GNL2: variants seen among roughly 807,000 people sequenced by gnomAD.
GNL2 encodes nucleolar GTP-binding protein 2.
GNL2 carries 51 observed loss-of-function variants against 92.3 expected under a neutral mutation model. That is an observed-to-expected ratio of 0.55 (90% confidence interval 0.44 to 0.70). GNL2 has a LOEUF of 0.70. Ranked by LOEUF, GNL2 falls within the 30% of genes least tolerant of loss-of-function variation. The probability of loss-of-function intolerance (pLI) is 0.00; values close to 1 mark genes in which losing one functional copy is unlikely to be tolerated. For missense variants in GNL2, 844 were observed against 895.6 expected, an observed-to-expected ratio of 0.94 and a Z score of 0.74; for synonymous variants, 283 against 300.6, an observed-to-expected ratio of 0.94 and a Z score of 0.61.
chr1:37,580,646 T>G (rs1643752096), intron 8 of GNL2, among the ~76,000 whole-genome samples: 1 of 152,202 alleles, frequency 6.6e-6, no homozygotes, highest in African/African-American at 2.4e-5. Context: ...AAGACGACGC[T>G]GCAGCAGCCT....
At chr1:37,577,688 T>A (rs1233233870) in intron 8 of GNL2, among the ~76,000 whole-genome samples, 2 of 152,146 alleles carry the variant, frequency 1.3e-5, no homozygotes, top group Non-Finnish European at 2.9e-5. Flanking sequence ...CAGAGATTCA[T>A]TGGGAATCAC....
At position 37,568,267 on chromosome 1, in the gene GNL2, A is replaced by C. The variant is rs919465646; in HGVS notation, c.1951+8T>G. On this transcript the variant is annotated splice_region_variant and intron_variant, in intron 14 of 15. Transcript: ENST00000373062. Reference sequence around the variant, plus strand: ...TACATCTAAATGATTGAAATAATTTAACTTCACCTCTGTCATCTACATCTT... The same window carrying C: ...TACATCTAAATGATTGAAATAATTTCACTTCACCTCTGTCATCTACATCTT... The C allele has an allele frequency of 6.5e-7, 1 of 1,546,758 alleles. No individual in the cohort carries two copies. Among genetic ancestry groups the C allele is most frequent in the African/African-American group, 1.4e-5 (1 of 73,784 alleles).
chr1:37,587,850 A>G (rs1643866130), intron 4 of GNL2, among the ~76,000 whole-genome samples: 1 of 152,254 alleles, frequency 6.6e-6, no homozygotes, highest in East Asian at 1.9e-4. Context: ...GTGAAAATTA[A>G]TCTTTTCCAC....
intron 8 of GNL2, among the ~76,000 whole-genome samples, chr1:37,580,283 A>AG (rs1643746360): frequency 6.6e-6 from 1 of 152,196 alleles, no homozygotes; most frequent in Non-Finnish European, 1.5e-5. Context: ...TGGGTGACAA[A>AG]GCAAGACCCT....
chr1:37,567,465 CGTT>C (rs1643523657), intron 15 of GNL2, among the ~76,000 whole-genome samples: 1 of 151,794 alleles, frequency 6.6e-6, no homozygotes, highest in African/African-American at 2.4e-5. Context: ...CGTGTGGAGA[CGTT>C]GATTAGAAAC....
chr1:37,589,836 C>T (rs1385788313), intron 4 of GNL2, among the ~76,000 whole-genome samples: 2 of 152,156 alleles, frequency 1.3e-5, no homozygotes, highest in African/African-American at 4.8e-5. Flanking sequence ...TGACCAGCAC[C>T]CCTTCCTTCA....
At chr1:37,567,976 A>T in intron 14 of GNL2, 1 of 595,082 alleles carries the variant, frequency 1.7e-6, no homozygotes. Context: ...GGTCAAATGG[A>T]GGAATGGATA....
rs536972891 is a variant in GNL2 at position 37,575,523 on chromosome 1, G to A, written c.1143+72C>T. On this transcript the variant is annotated intron_variant, in intron 10 of 15. Transcript: ENST00000373062. The surrounding 1 kb of genome is among the most constrained non-coding windows in gnomAD (Gnocchi z 4.1). ...AACTGCCTTCTTAATAAGTAAAAAG[G>A]AAAGGTATCCAGGGTTCCCTATAGA... The A allele has an allele frequency of 3.6e-6, 3 of 836,236 alleles. No homozygotes were observed. The East Asian group carries it at 8.5e-5, about 24-fold the overall frequency. 51.8% of individuals were successfully genotyped at this position (836,236 alleles called of 1,614,324 possible). A position where few individuals can be genotyped will look rare whatever the true frequency, so the allele number is the denominator to read the frequency against.
At chr1:37,589,121 C>CA (rs1308485367) in intron 4 of GNL2, among the ~76,000 whole-genome samples, 2 of 152,198 alleles carry the variant, frequency 1.3e-5, no homozygotes, top group African/African-American at 4.8e-5. Context: ...GGGAAATGAG[C>CA]AACTTGTCTG....
At position 37,574,683 on chromosome 1, in the gene GNL2, C is replaced by T; in HGVS notation, c.1284G>A (p.Arg428=). 1 of 1,613,896 alleles carries T rather than the reference C, an allele frequency of 6.2e-7. No individual in the cohort carries two copies. Among genetic ancestry groups the T allele is most frequent in the Non-Finnish European group, 8.5e-7 (1 of 1,179,964 alleles). ...AEDFLEKLAF[R]TGKLLKGGEP... is the part of the protein sequence containing the mutation. ...GGGTCACCTTTAGTAACTTCCCAGT[C>T]CGGAAAGCGAGCTTCTCAAGAAAGT... The change falls in exon 11 of 16, where the codon CGG becomes CGA. Residue 428 remains arginine, a synonymous_variant. Transcript: ENST00000373062.
rs570254120 is a variant in GNL2 at position 37,568,933 on chromosome 1, C to T, written c.1786G>A (p.Val596Ile). 7.4e-6 allele frequency: 12 copies of T among 1,614,006 alleles called. No individual in the cohort carries two copies. The highest frequency in any genetic ancestry group is 2.2e-5 in the East Asian group (1 of 44,898). ...ATCTTCTCATCCAGTGCTTTAATAA[C>T]GGCTTTGGTGTCGTTTCCCACATTT... Reference protein sequence around the residue: ...EENVGNDTKAVIKALDEKIAK... With the variant: ...EENVGNDTKAIIKALDEKIAK... Residue 596 changes from valine to isoleucine, a missense_variant, in exon 13 of 16, where the codon GTT (valine) becomes ATT (isoleucine). Transcript: ENST00000373062.
intron 12 of GNL2, 95 bp from the exon 13 acceptor site, chr1:37,569,397 C>T (rs1374718291): frequency 1.3e-6 from 1 of 791,858 alleles, no homozygotes; most frequent in African/African-American, 1.7e-5. Context: ...GTCCTCTTCT[C>T]AGGACTAAGG....
chr1:37,587,228 C>T lies in GNL2; in HGVS notation c.569+83G>A. On this transcript the variant is annotated intron_variant, in intron 5 of 15. Coordinates refer to ENST00000373062, the MANE Select transcript of GNL2 (RefSeq NM_013285.3). The stretch of plus-strand genomic sequence containing the variant: ...GTTGCAGTGGGCCAAGATCGCACCA[C>T]TGCATTCCAGCCTGGGCGACAAAGC... 13 of 1,064,224 alleles carry T rather than the reference C, an allele frequency of 1.2e-5. No individual in the cohort carries two copies. The South Asian group carries it at 2.0e-4, about 17-fold the overall frequency. 65.9% of individuals were successfully genotyped at this position (1,064,224 alleles called of 1,614,324 possible). A position where few individuals can be genotyped will look rare whatever the true frequency, so the allele number is the denominator to read the frequency against.
rs1643864222 is a variant in GNL2 at position 37,587,472 on chromosome 1, A to G, written c.408T>C (p.Asp136=). 1 of 1,612,206 alleles carries G rather than the reference A, an allele frequency of 6.2e-7. No homozygotes were observed. The highest frequency in any genetic ancestry group is 8.5e-7 in the Non-Finnish European group (1 of 1,178,740). ...RPHNLKVHIL[D]TESFETTFGP... The stretch of plus-strand genomic sequence containing the variant: ...CAAATGTAGTTTCAAAACTTTCAGT[A>G]TCAAGAATGTGCACCTTCAAGTTCT... The change falls in exon 5 of 16, where the codon GAT becomes GAC. Residue 136 remains aspartate, a synonymous_variant. Transcript: ENST00000373062.
At chr1:37,587,968 G>A (rs1354130953) in intron 4 of GNL2, among the ~76,000 whole-genome samples, 2 of 152,020 alleles carry the variant, frequency 1.3e-5, no homozygotes, top group East Asian at 3.8e-4. Flanking sequence ...AACTGTAAAT[G>A]CCAACTTTTT....
chr1:37,588,071 CG>C (rs1281122793), intron 4 of GNL2, among the ~76,000 whole-genome samples: 1 of 152,018 alleles, frequency 6.6e-6, no homozygotes, highest in Non-Finnish European at 1.5e-5. Context: ...ATTTAGGTAA[CG>C]TTTTTATTAA....
At chr1:37,591,398 C>G (rs113038562) in intron 3 of GNL2, among the ~76,000 whole-genome samples, 3 of 151,972 alleles carry the variant, frequency 2.0e-5, no homozygotes, top group Admixed American at 2.0e-4. Flanking sequence ...CAGCATGCTG[C>G]GGCATAAATG....
intron 4 of GNL2, among the ~76,000 whole-genome samples, chr1:37,590,466 G>A (rs1643881121): frequency 6.6e-6 from 1 of 152,212 alleles, no homozygotes. Context: ...TAAGGGCACA[G>A]GAAGGGATAG....
rs74993643 is a variant in GNL2 at position 37,574,657 on chromosome 1, C to T, written c.1302+8G>A. ...TATCAGTCTAAATTCTCACAAACGC[C>T]GGGTCACCTTTAGTAACTTCCCAGT... On this transcript the variant is annotated splice_region_variant and intron_variant, in intron 11 of 15. Transcript: ENST00000373062. The T allele has an allele frequency of 5.6e-6, 9 of 1,612,626 alleles. No individual in the cohort carries two copies. Among genetic ancestry groups the T allele is most frequent in the South Asian group, 1.1e-5 (1 of 91,022 alleles).
Sources: allele counts gnomAD v4.1 joint callset (sites outside exome capture counted in the v4.1 genomes callset), GRCh38; gene constraint gnomAD v4.1.1; non-coding constraint Gnocchi (gnomAD v3.1); transcripts MANE v1.5; gene names NCBI Gene and HGNC (gene_info 2026-07-23, HGNC 2026-07-21).